Variants in LRBA observed in about 807,000 individuals in gnomAD.
The protein encoded by LRBA is lipopolysaccharide-responsive and beige-like anchor protein.
A neutral mutation model predicts 330.0 loss-of-function variants in LRBA; 176 were observed. The observed-to-expected ratio is 0.53, with a 90% CI of 0.47 to 0.60. LRBA has a LOEUF of 0.60. Among genes scored for constraint, LRBA ranks in the 20% least tolerant of loss-of-function variants. The pLI is 0.00. For missense variants in LRBA, 3,259 were observed against 3,444.8 expected (o/e 0.95, Z 1.35); for synonymous variants, 1,230 against 1,193.0 (o/e 1.03, Z -0.64).
intron 37 of LRBA, among the ~76,000 whole-genome samples, chr4:150,648,628 C>G (rs1274747117): frequency 2.0e-5 from 3 of 151,792 alleles, no homozygotes; most frequent in African/African-American, 7.3e-5. Flanking sequence ...TAAATGCCAA[C>G]TCATGCTAAA....
intron 9 of LRBA, among the ~76,000 whole-genome samples, chr4:150,912,729 C>T (rs918396034): frequency 1.3e-5 from 2 of 152,066 alleles, no homozygotes; most frequent in African/African-American, 2.4e-5. Context: ...TTATCATTTC[C>T]TTCTATCTGC....
At chr4:150,587,830 T>C (rs1772307899) in intron 40 of LRBA, among the ~76,000 whole-genome samples, 1 of 152,140 alleles carries the variant, frequency 6.6e-6, no homozygotes, top group Non-Finnish European at 1.5e-5. Flanking sequence ...TAATGATAAA[T>C]GTCATTAAGT....
In LRBA at chr4:150,648,158, CAA is replaced by C; in HGVS notation, c.5921+35391_5921+35392del. On this transcript the variant is annotated intron_variant, in intron 37 of 56. Coordinates refer to ENST00000651943, the MANE Select transcript of LRBA (RefSeq NM_001364905.1). ...TCAGAAGAGAAAGGAACACAAGTAG[CAA>C]AAAAAAAAAAAAAAAAACTAGAAAA... Among the ~76,000 whole-genome samples the C allele has an allele frequency of 1.4e-3, 25 of 18,112 alleles. 3 individuals carry two copies. Among genetic ancestry groups the C allele is most frequent in the East Asian group, 5.1e-3 (2 of 394 alleles). 11.9% of individuals were successfully genotyped at this position (18,112 alleles called of 152,430 possible).
intron 46 of LRBA, among the ~76,000 whole-genome samples, chr4:150,416,187 A>T (rs2151953220): frequency 6.6e-6 from 1 of 152,384 alleles, no homozygotes; most frequent in East Asian, 1.9e-4. Context: ...TTCAATATGT[A>T]ACTTTAATAA....
intron 2 of LRBA, among the ~76,000 whole-genome samples, chr4:150,942,773 AAAT>A (rs1735819914): frequency 6.6e-6 from 1 of 152,186 alleles, no homozygotes; most frequent in South Asian, 2.1e-4. Flanking sequence ...AACAAAAAAA[AAAT>A]GTGTCCATTC....
At chr4:150,916,579 G>C in intron 6 of LRBA, 38 bp downstream of exon 6, 1 of 1,607,146 alleles carries the variant, frequency 6.2e-7, no homozygotes, top group Non-Finnish European at 8.5e-7. Context: ...CAGTTTCAAA[G>C]TAAGGTTTTA....
At chr4:150,518,047 C>T (rs907188912) in intron 40 of LRBA, among the ~76,000 whole-genome samples, 1 of 152,198 alleles carries the variant, frequency 6.6e-6, no homozygotes, top group Admixed American at 6.5e-5. Flanking sequence ...TCTTAGCAAC[C>T]TCAACATACG....
chr4:150,649,399 G>A (rs1295272692), intron 37 of LRBA, among the ~76,000 whole-genome samples: 1 of 152,154 alleles, frequency 6.6e-6, no homozygotes, highest in Admixed American at 6.5e-5. Context: ...ACTGCTGAGT[G>A]TTCTCTGTAC....
chr4:150,690,907 C>G (rs1412939577), intron 36 of LRBA, among the ~76,000 whole-genome samples: 1 of 145,854 alleles, frequency 6.9e-6, no homozygotes, highest in Non-Finnish European at 1.5e-5. Flanking sequence ...TAAACTTTAT[C>G]AAAATTTAAA....
chr4:150,809,849 AAATACGATACGATAC>A (rs1246144305), intron 31 of LRBA, among the ~76,000 whole-genome samples: 20 of 144,906 alleles, frequency 1.4e-4, no homozygotes, highest in Admixed American at 2.1e-4. Context: ...CCCTGTCTTA[AAATACGATACGATAC>A]GATACGATAC....
chr4:150,332,937 G>A (rs1372630083), intron 48 of LRBA, among the ~76,000 whole-genome samples: 1 of 152,090 alleles, frequency 6.6e-6, no homozygotes, highest in Non-Finnish European at 1.5e-5. Flanking sequence ...AACAAGCTGT[G>A]TATTCTATAG....
At position 150,321,525 on chromosome 4, in the gene LRBA, G is replaced by A. The variant is rs1732516248; in HGVS notation, c.7453-157C>T. The A allele has an allele frequency of 3.5e-6, 2 of 570,746 alleles. No homozygotes were observed. Among genetic ancestry groups the A allele is most frequent in the South Asian group, 2.9e-5 (1 of 34,952 alleles). 35.4% of individuals were successfully genotyped at this position (570,746 alleles called of 1,614,324 possible). ...GGAAGCACAGTGAGCAGAAAGGCTT[G>A]TAGAAACAGCAGTCATGATCTGTTA... On this transcript the variant is annotated intron_variant, in intron 49 of 56. Transcript: ENST00000651943. The surrounding 1 kb of genome is among the most constrained non-coding windows in gnomAD (Gnocchi z 4.5).
intron 37 of LRBA, among the ~76,000 whole-genome samples, chr4:150,641,499 A>G (rs1778675922): frequency 6.6e-6 from 1 of 152,152 alleles, no homozygotes; most frequent in Non-Finnish European, 1.5e-5. Context: ...CTTGACATTC[A>G]TTTCTTTATT....
intron 46 of LRBA, chr4:150,423,376 G>A (rs549819173): frequency 2.5e-5 from 16 of 650,388 alleles, no homozygotes; most frequent in East Asian, 5.2e-5. Context: ...ACTTGCTCCC[G>A]GGCCTGCTTT....
intron 30 of LRBA, among the ~76,000 whole-genome samples, chr4:150,826,025 T>C (rs1461162685): frequency 6.6e-6 from 1 of 152,126 alleles, no homozygotes; most frequent in Admixed American, 6.6e-5. Flanking sequence ...TTGTGAAATA[T>C]CTTTATCTTG....
Position 150,747,726 on chromosome 4 carries a change from T to C in LRBA, c.5646-12360A>G, listed in dbSNP as rs192833020. Among the ~76,000 whole-genome samples, 23 of 152,332 alleles carry C rather than the reference T, an allele frequency of 1.5e-4. No individual in the cohort carries two copies. In the East Asian group the frequency reaches 2.9e-3, roughly 19 times the overall value. ...CTCCTATCTAGCTGCTGCTTCTTCA[T>C]TGCCCACTTTGCTACATCCTCCGCT... is the stretch of plus-strand genomic sequence containing the variant. On this transcript the variant is annotated intron_variant, in intron 35 of 56. Coordinates refer to ENST00000651943, the MANE Select transcript of LRBA (RefSeq NM_001364905.1).
chr4:150,647,804 AAGACCCCTCCATAATCG>A (rs1779304405), intron 37 of LRBA, among the ~76,000 whole-genome samples: 1 of 151,984 alleles, frequency 6.6e-6, no homozygotes, highest in Non-Finnish European at 1.5e-5. Context: ...ATTACTTTCA[AAGACCCCTCCATAATCG>A]AGATATTTAT....
At chr4:150,328,767 G>A (rs1733620907) in intron 48 of LRBA, among the ~76,000 whole-genome samples, 1 of 152,156 alleles carries the variant, frequency 6.6e-6, no homozygotes, top group South Asian at 2.1e-4. Flanking sequence ...AGGAAAAGCA[G>A]CATAGAGTGA....
intron 39 of LRBA, among the ~76,000 whole-genome samples, chr4:150,590,067 G>A (rs13121718): frequency 6.6e-6 from 1 of 152,090 alleles, no homozygotes; most frequent in Non-Finnish European, 1.5e-5. Context: ...TGAAATTATA[G>A]AACCTTTCAG....
Sources: gnomAD v4.1 joint callset for allele counts (sites outside exome capture counted in the v4.1 genomes callset) on GRCh38, gnomAD v4.1.1 for gene constraint, Gnocchi (gnomAD v3.1) non-coding constraint, MANE v1.5 for transcripts, NCBI Gene and HGNC (gene_info 2026-07-23, HGNC 2026-07-21) for gene names.